Variants in CNTNAP5 observed in about 807,000 individuals in gnomAD.
CNTNAP5 encodes contactin associated protein family member 5.
In CNTNAP5, 72 loss-of-function variants were observed where a neutral mutation model predicts 150.2. That is an observed-to-expected ratio of 0.48 (90% confidence interval 0.40 to 0.58). The LOEUF is 0.58. Among genes scored for constraint, CNTNAP5 ranks in the 20% least tolerant of loss-of-function variants. CNTNAP5 has a pLI of 0.00. For missense variants in CNTNAP5, 1,636 were observed against 1,626.2 expected (o/e 1.01, Z -0.10); for synonymous variants, 672 against 619.8 (o/e 1.08, Z -1.25).
Position 124,821,529 on chromosome 2 carries a change from A to G in CNTNAP5, c.3217+23209A>G, listed in dbSNP as rs527427493. Among the ~76,000 whole-genome samples the G allele has an allele frequency of 2.0e-5, 3 of 152,312 alleles. No individual in the cohort carries two copies. In the South Asian group the frequency reaches 6.2e-4, roughly 32 times the overall value. ...TAGTGTTGAGGATGTTGATCCTGGGACCACACTTTGAAAACCACCGCTTTA... is the reference window on the plus strand; with the variant it reads ...TAGTGTTGAGGATGTTGATCCTGGGGCCACACTTTGAAAACCACCGCTTTA... On this transcript the variant is annotated intron_variant, in intron 19 of 23. Coordinates refer to ENST00000682447, the MANE Select transcript of CNTNAP5 (RefSeq NM_001367498.1).
chr2:124,148,541 A>T (rs143248934), intron 1 of CNTNAP5, among the ~76,000 whole-genome samples: 514 of 146,622 alleles, frequency 3.5e-3, no homozygotes, highest in African/African-American at 0.012. Context: ...ATATATATAC[A>T]TATTATATAT....
intron 1 of CNTNAP5, among the ~76,000 whole-genome samples, chr2:124,117,214 T>G (rs1683449029): frequency 6.6e-6 from 1 of 152,160 alleles, no homozygotes; most frequent in Non-Finnish European, 1.5e-5. Context: ...AAACCTGAGG[T>G]CTATTCTGGA....
rs1009737082 is a variant in CNTNAP5, at chr2:124,919,137, G to A, written c.*4849G>A. Among the ~76,000 whole-genome samples the A allele has an allele frequency of 1.3e-5, 2 of 151,856 alleles. No homozygotes were observed. Among genetic ancestry groups the A allele is most frequent in the Non-Finnish European group, 2.9e-5 (2 of 67,956 alleles). ...GAAAAAATGCAACACACACACGCAC[G>A]CTCACATGCACACTTTGTACAAATA... On this transcript the variant is annotated 3_prime_UTR_variant, in exon 24 of 24. Coordinates refer to ENST00000682447, the MANE Select transcript of CNTNAP5 (RefSeq NM_001367498.1).
At chr2:124,402,973 G>C (rs1416150685) in intron 3 of CNTNAP5, among the ~76,000 whole-genome samples, 1 of 152,186 alleles carries the variant, frequency 6.6e-6, no homozygotes, top group East Asian at 1.9e-4. Flanking sequence ...AACTTTGAAG[G>C]CTGAATGGGT....
intron 13 of CNTNAP5, among the ~76,000 whole-genome samples, chr2:124,653,911 A>ACCCCCCCCCCCCCCC (rs70996088): frequency 7.0e-5 from 4 of 57,482 alleles, no homozygotes; most frequent in Admixed American, 4.2e-4. Context: ...ACTGCCCCCA[A>ACCCCCCCCCCCCCCC]CCCCCCCCCC....
intron 1 of CNTNAP5, among the ~76,000 whole-genome samples, chr2:124,104,908 A>C (rs1408758090): frequency 1.3e-5 from 2 of 152,188 alleles, no homozygotes; most frequent in Non-Finnish European, 2.9e-5. Context: ...CATTTATATT[A>C]TACACAGTTA....
At position 124,562,543 on chromosome 2, in the gene CNTNAP5, A is replaced by ATTGCTGAT. The variant is rs1375934597; in HGVS notation, c.1650-673_1650-672insTGCTGATT. ...TGAACAATAGCCTTAAGACAAGGTC[A>ATTGCTGAT]TCTCAGTGTGATTGCTGATTCTAAT... On this transcript the variant is annotated intron_variant, in intron 10 of 23. Transcript: ENST00000682447. Among the ~76,000 whole-genome samples, 8 of 152,232 alleles carry ATTGCTGAT rather than the reference A, an allele frequency of 5.3e-5. 1 individual carries two copies. Among genetic ancestry groups the ATTGCTGAT allele is most frequent in the African/African-American group, 1.9e-4 (8 of 41,480 alleles).
intron 14 of CNTNAP5, among the ~76,000 whole-genome samples, chr2:124,755,388 C>G (rs1240290774): frequency 2.0e-5 from 3 of 152,146 alleles, no homozygotes; most frequent in Non-Finnish European, 4.4e-5. Flanking sequence ...TGAAATGATC[C>G]TCTCCCTGAG....
At chr2:124,277,536 T>A (rs1458184036) in intron 3 of CNTNAP5, among the ~76,000 whole-genome samples, 3 of 152,162 alleles carry the variant, frequency 2.0e-5, no homozygotes, top group Admixed American at 6.6e-5. Context: ...TAAAAAGTGA[T>A]GGGGTAAAAT....
intron 19 of CNTNAP5, among the ~76,000 whole-genome samples, chr2:124,807,527 C>T (rs1345545086): frequency 2.6e-5 from 4 of 152,134 alleles, no homozygotes; most frequent in East Asian, 1.9e-4. Flanking sequence ...ACTATGGAGT[C>T]GGTACTAGTA....
intron 12 of CNTNAP5, among the ~76,000 whole-genome samples, chr2:124,611,909 A>C (rs1444435936): frequency 6.6e-6 from 1 of 152,210 alleles, no homozygotes; most frequent in Non-Finnish European, 1.5e-5. Context: ...AACAAAAATC[A>C]GAGGCAGACA....
intron 10 of CNTNAP5, among the ~76,000 whole-genome samples, chr2:124,555,218 A>T (rs2104921712): frequency 6.6e-6 from 1 of 152,186 alleles, no homozygotes; most frequent in African/African-American, 2.4e-5. Context: ...ATACTTCTTT[A>T]CCCAAAAACA....
At chr2:124,513,640 AAAG>A (rs1376663214) in intron 8 of CNTNAP5, among the ~76,000 whole-genome samples, 2 of 152,218 alleles carry the variant, frequency 1.3e-5, no homozygotes, top group Non-Finnish European at 2.9e-5. Flanking sequence ...TTTAACAGGG[AAAG>A]AAGAGTTAGT....
chr2:124,862,385 C>T (rs191452187), intron 19 of CNTNAP5, among the ~76,000 whole-genome samples: 209 of 152,282 alleles, frequency 1.4e-3, no homozygotes, highest in Middle Eastern at 6.8e-3. Context: ...CAACACCTTC[C>T]CTCTGACAAT....
chr2:124,872,725 G>A (rs1025019803), intron 21 of CNTNAP5, among the ~76,000 whole-genome samples: 4 of 151,510 alleles, frequency 2.6e-5, no homozygotes, highest in African/African-American at 4.8e-5. Flanking sequence ...GTGGGCTTAC[G>A]GACCACAAAG....
chr2:124,617,382 G>T (rs1225948614), intron 12 of CNTNAP5, among the ~76,000 whole-genome samples: 2 of 152,100 alleles, frequency 1.3e-5, no homozygotes, highest in African/African-American at 2.4e-5. Flanking sequence ...AACCTGTAGG[G>T]TGAATCTCTT....
intron 9 of CNTNAP5, among the ~76,000 whole-genome samples, chr2:124,526,218 T>G (rs1373527083): frequency 6.6e-6 from 1 of 152,198 alleles, no homozygotes; most frequent in African/African-American, 2.4e-5. Context: ...GTATCAGTGA[T>G]TTGAACAGTG....
chr2:124,818,985 A>G (rs314709), intron 19 of CNTNAP5, among the ~76,000 whole-genome samples: 132,098 of 151,950 alleles, frequency 0.87, 57,886 homozygotes, highest in African/African-American at 0.97. Flanking sequence ...TTTCATGTAG[A>G]TCCCTTGTCT....
intron 3 of CNTNAP5, among the ~76,000 whole-genome samples, chr2:124,408,539 G>T (rs1481217384): frequency 4.0e-5 from 6 of 151,874 alleles, no homozygotes; most frequent in Non-Finnish European, 7.4e-5. Flanking sequence ...GGAGATCTGA[G>T]AACGGGCAGA....
Sources: gnomAD v4.1 joint callset for allele counts (sites outside exome capture counted in the v4.1 genomes callset) on GRCh38, gnomAD v4.1.1 for gene constraint, MANE v1.5 for transcripts, NCBI Gene and HGNC (gene_info 2026-07-23, HGNC 2026-07-21) for gene names.